The following WDR26 variants were observed in gnomAD, a reference collection of about 807,000 sequenced individuals.
WDR26 encodes the protein WD repeat domain 26.
Under a neutral mutation model 84.1 loss-of-function variants are expected in WDR26, and 5 were observed. The ratio of observed to expected loss-of-function variants is 0.06; its 90% CI spans 0.03 to 0.13. WDR26 has a LOEUF of 0.13. Among genes scored for constraint, WDR26 ranks in the 10% least tolerant of loss-of-function variants. The pLI is 1.00. For missense variants in WDR26, 642 were observed against 974.9 expected (o/e 0.66, Z 4.55); for synonymous variants, 415 against 389.6 (o/e 1.07, Z -0.77).
At chr1:224,418,162 T>A in intron 6 of WDR26, 98 bp downstream of exon 6, 1 of 967,318 alleles carries the variant, frequency 1.0e-6, no homozygotes. Context: ...AAATCAGACA[T>A]GAACTGTTAT....
intron 7 of WDR26, among the ~76,000 whole-genome samples, chr1:224,407,948 T>C (rs1673628668): frequency 1.3e-5 from 2 of 151,924 alleles, no homozygotes; most frequent in African/African-American, 2.4e-5. Context: ...TAAAAGTCTC[T>C]CTGTTTCATA....
In WDR26 at chr1:224,425,004, G is replaced by C. The variant is rs988869625; in HGVS notation, c.928-350C>G. Among the ~76,000 whole-genome samples, 5 of 152,292 alleles carry C rather than the reference G, an allele frequency of 3.3e-5. No homozygotes were observed. In the South Asian group the frequency reaches 1.0e-3, roughly 32 times the overall value. On this transcript the variant is annotated intron_variant, in intron 3 of 13. Transcript: ENST00000414423. The stretch of plus-strand genomic sequence containing the variant: ...AAATTTAGAACTATTCCAAGTACTT[G>C]AAATTTGCTTTTTAAGAAGTATGAC...
intron 9 of WDR26, among the ~76,000 whole-genome samples, chr1:224,399,924 A>G (rs1013629933): frequency 2.6e-5 from 4 of 152,154 alleles, no homozygotes; most frequent in African/African-American, 7.2e-5. Context: ...GTGAGCCATG[A>G]TCACACCAAT....
chr1:224,398,038 A>C, intron 12 of WDR26, 59 bp downstream of exon 12: 3 of 1,575,946 alleles, frequency 1.9e-6, no homozygotes, highest in Non-Finnish European at 2.6e-6. Flanking sequence ...CTGCCTTCAT[A>C]AATTGAGATT....
intron 12 of WDR26, among the ~76,000 whole-genome samples, chr1:224,395,524 A>G (rs1464204549): frequency 6.6e-6 from 1 of 152,128 alleles, no homozygotes; most frequent in Non-Finnish European, 1.5e-5. Context: ...GCACCAATTT[A>G]AAAACTGAAT....
At chr1:224,431,831 A>G in intron 1 of WDR26, 50 bp from the exon 2 acceptor site, 1 of 1,411,420 alleles carries the variant, frequency 7.1e-7, no homozygotes, top group Non-Finnish European at 9.6e-7. Flanking sequence ...TTAGGGTTTT[A>G]ATCCTTCAAA....
intron 13 of WDR26, among the ~76,000 whole-genome samples, chr1:224,392,732 C>T (rs1673161976): frequency 6.6e-6 from 1 of 152,090 alleles, no homozygotes; most frequent in Non-Finnish European, 1.5e-5. Flanking sequence ...GTATTCTCAT[C>T]TCTGATTGCA....
At chr1:224,415,951 A>C (rs1673890867) in intron 6 of WDR26, among the ~76,000 whole-genome samples, 2 of 152,258 alleles carry the variant, frequency 1.3e-5, no homozygotes, top group Non-Finnish European at 2.9e-5. Flanking sequence ...TCTCACCAAC[A>C]TCTACAATTC....
At chr1:224,428,170 T>C (rs1169933773) in intron 3 of WDR26, among the ~76,000 whole-genome samples, 2 of 152,212 alleles carry the variant, frequency 1.3e-5, no homozygotes, top group Non-Finnish European at 2.9e-5. Flanking sequence ...AATTCTGCTG[T>C]TGCTCCCCTA....
intron 4 of WDR26, among the ~76,000 whole-genome samples, chr1:224,419,880 G>A (rs1446415275): frequency 1.3e-4 from 1 of 7,508 alleles, no homozygotes. Flanking sequence ...TTATTGTGCA[G>A]GTTCTAGCAC....
At chr1:224,424,059 C>CA (rs386354636) in intron 4 of WDR26, among the ~76,000 whole-genome samples, 3 of 144,378 alleles carry the variant, frequency 2.1e-5, no homozygotes, top group African/African-American at 7.3e-5. Flanking sequence ...CTTCACCCCC[C>CA]AAAAAAGGAC....
chr1:224,413,332 C>G, intron 6 of WDR26: 1 of 1,241,626 alleles, frequency 8.1e-7, no homozygotes, highest in Non-Finnish European at 1.0e-6. Flanking sequence ...GTCAATTCAC[C>G]AGTCTGAAAC....
rs1672990730 is a variant in WDR26, at chr1:224,386,275, T to C, written c.*3560A>G. 6.6e-6 allele frequency: 1 copy of C among 152,650 alleles called. No homozygotes were observed. Among genetic ancestry groups the C allele is most frequent in the Admixed American group, 6.5e-5 (1 of 15,278 alleles). The allele number at this position is 152,650 out of a possible 1,614,324, so 9.5% of individuals were successfully genotyped here. A position where few individuals can be genotyped will look rare whatever the true frequency, so the allele number is the denominator to read the frequency against. On this transcript the variant is annotated 3_prime_UTR_variant, in exon 14 of 14. Coordinates refer to ENST00000414423, the MANE Select transcript of WDR26 (RefSeq NM_001379403.1). ...ACCCAAAAGGACAGTTGCGAAATTA[T>C]GAATGAGAAATTAAAGTAAAACCAA... is the stretch of plus-strand genomic sequence containing the variant.
At chr1:224,420,545 A>G (rs1478647095) in intron 4 of WDR26, among the ~76,000 whole-genome samples, 1 of 152,132 alleles carries the variant, frequency 6.6e-6, no homozygotes, top group African/African-American at 2.4e-5. Flanking sequence ...GACCTGCTAT[A>G]CCTCTCAGTT....
rs901325415 is a variant in WDR26, at chr1:224,388,057, A to G, written c.*1778T>C. On this transcript the variant is annotated 3_prime_UTR_variant, in exon 14 of 14. Coordinates refer to ENST00000414423, the MANE Select transcript of WDR26 (RefSeq NM_001379403.1). ...AAGAGTCTGCTGACCACGATCTGTC[A>G]TTTTCTTTACTATGGGCTTCTGGGA... 58 of 152,580 alleles carry G rather than the reference A, an allele frequency of 3.8e-4. No individual in the cohort carries two copies. The highest frequency in any genetic ancestry group is 1.4e-3 in the African/African-American group (56 of 41,432). The allele number at this position is 152,580 out of a possible 1,614,324, so 9.5% of individuals were successfully genotyped here.
At chr1:224,427,683 A>G (rs1426667640) in intron 3 of WDR26, among the ~76,000 whole-genome samples, 1 of 152,244 alleles carries the variant, frequency 6.6e-6, no homozygotes, top group Non-Finnish European at 1.5e-5. Context: ...AAGCACAGCT[A>G]GAGATCTGTT....
At chr1:224,410,526 G>A (rs1011880046) in intron 7 of WDR26, among the ~76,000 whole-genome samples, 1 of 151,690 alleles carries the variant, frequency 6.6e-6, no homozygotes, top group African/African-American at 2.4e-5. Flanking sequence ...TTTAAATCCA[G>A]AATAAAATAC....
chr1:224,420,820 G>A (rs931033127), intron 4 of WDR26, among the ~76,000 whole-genome samples: 2 of 152,068 alleles, frequency 1.3e-5, no homozygotes, highest in South Asian at 4.2e-4. Context: ...GGATGGTCTT[G>A]ATCTCCTGAC....
intron 8 of WDR26, among the ~76,000 whole-genome samples, chr1:224,401,702 G>GAAAAAAA (rs5781368): frequency 1.0e-5 from 1 of 97,766 alleles, no homozygotes; most frequent in Non-Finnish European, 1.9e-5. Context: ...AAAAAAAAAA[G>GAAAAAAA]AAAAAAGAAA....
Sources: allele counts gnomAD v4.1 joint callset (sites outside exome capture counted in the v4.1 genomes callset), GRCh38; gene constraint gnomAD v4.1.1; transcripts MANE v1.5; gene names NCBI Gene and HGNC (gene_info 2026-07-23, HGNC 2026-07-21).